Variants in ZNF618 observed in about 807,000 individuals in gnomAD.
The protein encoded by ZNF618 is neural precursor cell expressed, developmentally down-regulated 10.
A neutral mutation model predicts 103.0 loss-of-function variants in ZNF618; 34 were observed. That is an observed-to-expected ratio of 0.33 (90% CI 0.25 to 0.44). The LOEUF (loss-of-function observed/expected upper bound fraction) is 0.44, where lower values mean the gene tolerates loss of function less well. Among genes scored for constraint, ZNF618 ranks in the 20% least tolerant of loss-of-function variants. ZNF618 has a pLI of 1.00. For missense variants in ZNF618, 1,059 were observed against 1,295.4 expected (o/e 0.82, Z 2.80); for synonymous variants, 551 against 542.2 (o/e 1.02, Z -0.23).
intron 13 of ZNF618, among the ~76,000 whole-genome samples, chr9:114,047,241 T>C (rs1845728896): frequency 6.6e-6 from 1 of 152,204 alleles, no homozygotes; most frequent in Non-Finnish European, 1.5e-5. Flanking sequence ...GGAGGACACA[T>C]CCAGGAACTG....
At chr9:113,926,001 C>T (rs1022238024) in intron 1 of ZNF618, among the ~76,000 whole-genome samples, 1 of 152,108 alleles carries the variant, frequency 6.6e-6, no homozygotes, top group Non-Finnish European at 1.5e-5. Context: ...GTTTCTGACC[C>T]AAATTACTTA....
rs754655352 is a variant in ZNF618 at position 114,032,658 on chromosome 9, C to G, written c.1098C>G (p.Phe366Leu). ...ASKATAAESA[F>L]SRRVEGKAQN... ...TCCCCCACCCAGCAGAAAGCGCTTT[C>G]AGTCGGAGAGTAGAAGGCAAAGCAC... Residue 366 changes from phenylalanine (F) to leucine (L), a missense_variant, in exon 12 of 15, where the codon TTC becomes TTG. This residue lies in a region of ZNF618 where 434 missense variants were observed against 476.0 expected (regional missense o/e 0.91). Coordinates refer to ENST00000374126, the MANE Select transcript of ZNF618 (RefSeq NM_001318042.2). 30 of 1,613,922 alleles carry G rather than the reference C, an allele frequency of 1.9e-5. No individual in the cohort carries two copies. The highest frequency in any genetic ancestry group is 2.5e-5 in the Non-Finnish European group (29 of 1,179,898).
rs1204237649 is a variant in ZNF618, at chr9:114,053,005, TG to T, written c.*2842del. 2 of 152,406 alleles carry T rather than the reference TG, an allele frequency of 1.3e-5. No individual in the cohort carries two copies. The highest frequency in any genetic ancestry group is 3.9e-4 in the East Asian group (2 of 5,178). The allele number at this position is 152,406 out of a possible 1,614,324, so 9.4% of individuals were successfully genotyped here. On this transcript the variant is annotated 3_prime_UTR_variant, in exon 15 of 15. Transcript: ENST00000374126. ...ACTGGGTACTCAGAAAGCTGTCCTC[TG>T]GGGCTGCCTTGTCCAGTTAGATAAC...
In ZNF618 at chr9:114,010,961, C is replaced by T. The variant is rs7034053; in HGVS notation, c.754+2407C>T. Among the ~76,000 whole-genome samples the T allele has an allele frequency of 2.7e-3, 409 of 152,224 alleles. 1 individual carries two copies. The highest frequency in any genetic ancestry group is 0.024 in the East Asian group (125 of 5,166). On this transcript the variant is annotated intron_variant, in intron 9 of 14. Transcript: ENST00000374126. The stretch of plus-strand genomic sequence containing the variant: ...CCCCTTGTGAGTATCCCATAAGTTG[C>T]GGACAAGCACATCTCTGAATTTTCC...
chr9:113,982,256 C>CCTTGGGGT (rs1331592970), intron 2 of ZNF618, among the ~76,000 whole-genome samples: 1 of 152,206 alleles, frequency 6.6e-6, no homozygotes, highest in Non-Finnish European at 1.5e-5. Context: ...TTTATACACT[C>CCTTGGGGT]CTTGGGGTCA....
chr9:114,021,241 T>C (rs1843045300), intron 10 of ZNF618, among the ~76,000 whole-genome samples: 1 of 152,152 alleles, frequency 6.6e-6, no homozygotes, highest in African/African-American at 2.4e-5. Flanking sequence ...TGTTTTTTCT[T>C]AATAGGGTAT....
intron 1 of ZNF618, among the ~76,000 whole-genome samples, chr9:113,899,545 G>T (rs1376997891): frequency 6.6e-6 from 1 of 152,180 alleles, no homozygotes; most frequent in African/African-American, 2.4e-5. Context: ...TCTTGGTTGC[G>T]CTCCTTAGGA....
At chr9:113,936,275 G>A (rs1315727133) in intron 1 of ZNF618, among the ~76,000 whole-genome samples, 2 of 152,186 alleles carry the variant, frequency 1.3e-5, no homozygotes, top group Non-Finnish European at 2.9e-5. Context: ...CCCAGAATCT[G>A]AGCCTGTTAC....
At chr9:113,935,386 A>G (rs187683188) in intron 1 of ZNF618, among the ~76,000 whole-genome samples, 440 of 152,294 alleles carry the variant, frequency 2.9e-3, no homozygotes, top group Non-Finnish European at 4.6e-3. Flanking sequence ...GGCTGGTCCT[A>G]GAGAGGGCAC....
intron 6 of ZNF618, among the ~76,000 whole-genome samples, chr9:114,003,560 T>C (rs1263165794): frequency 1.3e-5 from 2 of 152,276 alleles, no homozygotes; most frequent in East Asian, 1.9e-4. Context: ...CACAGCAACA[T>C]GGATGACTCA....
At position 114,041,829 on chromosome 9, in the gene ZNF618, T is replaced by A. The variant is rs1313328221; in HGVS notation, c.1246+5452T>A. On this transcript the variant is annotated intron_variant, in intron 13 of 14. Transcript: ENST00000374126. Reference sequence around the variant, plus strand: ...CAATGCGGGCTCTTTTTTGGTTCTATATAAACTTTAAAGTAGTTTTTTCCA... The same window carrying A: ...CAATGCGGGCTCTTTTTTGGTTCTAAATAAACTTTAAAGTAGTTTTTTCCA... Among the ~76,000 whole-genome samples, 3 of 152,206 alleles carry A rather than the reference T, an allele frequency of 2.0e-5. No homozygotes were observed. The East Asian group carries it at 5.8e-4, about 29-fold the overall frequency.
Position 114,049,447 on chromosome 9 carries a change from C to G in ZNF618, c.2145C>G (p.Tyr715Ter). 6.2e-7 allele frequency: 1 copy of G among 1,607,920 alleles called. No individual in the cohort carries two copies. Among genetic ancestry groups the G allele is most frequent in the Non-Finnish European group, 8.5e-7 (1 of 1,177,186 alleles). ...HERYEQICEF[Y>*]SRAKKMNLIQ... is the part of the protein sequence containing the mutation. ...GCTATGAGCAGATCTGCGAGTTCTACAGCCGGGCCAAGAAGATGAACCTCA... is the reference window on the plus strand; with the variant it reads ...GCTATGAGCAGATCTGCGAGTTCTAGAGCCGGGCCAAGAAGATGAACCTCA... The change falls in exon 15 of 15, where the codon TAC (tyrosine) becomes TAG (stop). Residue 715 changes from tyrosine to a stop codon, truncating the protein, a stop_gained. Transcript: ENST00000374126. LOFTEE classifies it high-confidence loss of function.
intron 1 of ZNF618, among the ~76,000 whole-genome samples, chr9:113,967,669 T>C (rs867482546): frequency 5.3e-5 from 8 of 151,966 alleles, no homozygotes; most frequent in Admixed American, 2.0e-4. Context: ...TATTATGGGG[T>C]GGAGGGGGGA....
At chr9:114,010,009 T>C (rs1727835126) in intron 9 of ZNF618, among the ~76,000 whole-genome samples, 1 of 152,238 alleles carries the variant, frequency 6.6e-6, no homozygotes, top group African/African-American at 2.4e-5. Context: ...ATAAAAATCA[T>C]CTTAAAGATG....
intron 10 of ZNF618, among the ~76,000 whole-genome samples, chr9:114,023,669 T>C (rs966482570): frequency 1.3e-5 from 2 of 152,188 alleles, no homozygotes; most frequent in Admixed American, 1.3e-4. Flanking sequence ...TGGTGAAAGA[T>C]TCTCTAAGCT....
At position 113,888,570 on chromosome 9, in the gene ZNF618, C is replaced by T. The variant is rs553261983; in HGVS notation, c.33+12157C>T. On this transcript the variant is annotated intron_variant, in intron 1 of 14. Coordinates refer to ENST00000374126, the MANE Select transcript of ZNF618 (RefSeq NM_001318042.2). The stretch of plus-strand genomic sequence containing the variant: ...TAAGGTATGCTTGGAGCCAAGAGCT[C>T]TGGCATGTCCCAGTCAGGGCCTGCA... 2.0e-5 allele frequency among the ~76,000 whole-genome samples: 3 copies of T among 152,386 alleles called. No homozygotes were observed. The East Asian group carries it at 5.8e-4, about 29-fold the overall frequency.
intron 1 of ZNF618, among the ~76,000 whole-genome samples, chr9:113,890,670 G>A (rs559828850): frequency 6.6e-6 from 1 of 152,340 alleles, no homozygotes; most frequent in East Asian, 1.9e-4. Flanking sequence ...TATTCTACAT[G>A]TAGACAGAAC....
rs552401633 is a variant in ZNF618, at chr9:114,028,720, G to A, written c.845-13G>A. ...GGGAGGGCCCTCGGGGACTGAGAGC[G>A]TGACCCTCTCAGGTACTGCCCCCGG... On this transcript the variant is annotated splice_polypyrimidine_tract_variant and intron_variant, in intron 10 of 14. Coordinates refer to ENST00000374126, the MANE Select transcript of ZNF618 (RefSeq NM_001318042.2). 1,008 of 1,547,460 alleles carry A rather than the reference G, an allele frequency of 6.5e-4. 8 individuals are homozygous for A. In the South Asian group the frequency reaches 7.3e-3, roughly 11 times the overall value.
At chr9:114,007,616 A>G (rs984179857) in intron 7 of ZNF618, among the ~76,000 whole-genome samples, 177 bp downstream of exon 7, 6 of 152,240 alleles carry the variant, frequency 3.9e-5, no homozygotes, top group African/African-American at 1.4e-4. Context: ...GAACGTCACC[A>G]TCATACTCCA....
Sources: allele counts gnomAD v4.1 joint callset (sites outside exome capture counted in the v4.1 genomes callset), GRCh38; gene constraint gnomAD v4.1.1; regional missense constraint gnomAD v4.1.1; transcripts MANE v1.5; gene names NCBI Gene and HGNC (gene_info 2026-07-23, HGNC 2026-07-21).